The following RBFOX1 variants were observed in gnomAD, a reference collection of about 807,000 sequenced individuals.
RBFOX1 encodes the protein RNA binding protein fox-1 homolog 1.
A neutral mutation model predicts 57.7 loss-of-function variants in RBFOX1; 8 were observed. That is an observed-to-expected ratio of 0.14 (90% CI 0.08 to 0.25). The LOEUF (loss-of-function observed/expected upper bound fraction) is 0.25. Ranked by LOEUF, RBFOX1 falls within the 10% of genes least tolerant of loss-of-function variation. The probability of loss-of-function intolerance (pLI) is 1.00; values close to 1 mark genes in which losing one functional copy is unlikely to be tolerated. For synonymous variants in RBFOX1, 326 were observed against 222.4 expected, an observed-to-expected ratio of 1.47 and a Z score of -4.15; for missense variants, 611 against 548.5, an observed-to-expected ratio of 1.11 and a Z score of -1.14.
chr16:5,890,111 G>C (rs1175334680), intron 4 of RBFOX1, among the ~76,000 whole-genome samples: 1 of 152,152 alleles, frequency 6.6e-6, no homozygotes, highest in Non-Finnish European at 1.5e-5. Context: ...TGTACTCTTT[G>C]CTTGGTCATG....
chr16:6,585,924 C>G (rs1720628724), intron 2 of RBFOX1, among the ~76,000 whole-genome samples: 1 of 152,108 alleles, frequency 6.6e-6, no homozygotes, highest in Non-Finnish European at 1.5e-5. Flanking sequence ...GCAATTATTT[C>G]TGTATTAATT....
At chr16:5,533,562 C>T (rs1003245011) in intron 2 of RBFOX1, among the ~76,000 whole-genome samples, 3 of 152,160 alleles carry the variant, frequency 2.0e-5, no homozygotes, top group African/African-American at 7.2e-5. Context: ...CAACTTCAAA[C>T]AGAGGCTTGG....
intron 5 of RBFOX1, among the ~76,000 whole-genome samples, chr16:7,569,371 A>G (rs1323933239): frequency 2.0e-5 from 3 of 152,108 alleles, no homozygotes; most frequent in African/African-American, 7.2e-5. Flanking sequence ...CCTGAAGGCC[A>G]CTGTCATTCT....
chr16:5,800,737 G>A (rs767928642), intron 3 of RBFOX1, among the ~76,000 whole-genome samples: 1 of 152,126 alleles, frequency 6.6e-6, no homozygotes, highest in Non-Finnish European at 1.5e-5. Flanking sequence ...GTCCTCAGTT[G>A]CTTCTCAGAT....
chr16:6,440,801 GA>G (rs140805062), intron 2 of RBFOX1, among the ~76,000 whole-genome samples: 5,019 of 118,488 alleles, frequency 0.042, 87 homozygotes, highest in Middle Eastern at 0.052. Flanking sequence ...ACACCATCTG[GA>G]AAAAAAAAAA....
intron 1 of RBFOX1, among the ~76,000 whole-genome samples, chr16:5,420,723 A>C (rs1263785121): frequency 1.3e-5 from 2 of 151,904 alleles, no homozygotes; most frequent in East Asian, 3.9e-4. Flanking sequence ...TTTGGTAGAG[A>C]TGGGGTTTCA....
chr16:6,821,412 C>G (rs530663165), intron 3 of RBFOX1, among the ~76,000 whole-genome samples: 4 of 152,294 alleles, frequency 2.6e-5, no homozygotes, highest in South Asian at 4.1e-4. Flanking sequence ...TTCCACATAA[C>G]TGATATCAAT....
chr16:7,106,655 T>C (rs1215708088), intron 4 of RBFOX1, among the ~76,000 whole-genome samples: 4 of 152,126 alleles, frequency 2.6e-5, no homozygotes, highest in Non-Finnish European at 1.5e-5. Flanking sequence ...AATGATTTGA[T>C]TTAATTCAAA....
chr16:6,431,055 C>T (rs1028026123), intron 2 of RBFOX1, among the ~76,000 whole-genome samples: 4 of 151,626 alleles, frequency 2.6e-5, no homozygotes, highest in Admixed American at 6.6e-5. Flanking sequence ...GGAGGATTGC[C>T]TGAGCCCAGG....
intron 4 of RBFOX1, among the ~76,000 whole-genome samples, chr16:7,417,055 A>T (rs1290763931): frequency 6.6e-6 from 1 of 152,024 alleles, no homozygotes; most frequent in East Asian, 1.9e-4. Context: ...TTCATTGTTC[A>T]TTTATATTTA....
At chr16:7,126,422 G>A in intron 4 of RBFOX1, 2 of 230,710 alleles carry the variant, frequency 8.7e-6, no homozygotes, top group Non-Finnish European at 1.8e-5. Flanking sequence ...AGCTCACACA[G>A]TAACGTGGCT....
At chr16:5,820,457 C>G (rs914077557) in intron 3 of RBFOX1, among the ~76,000 whole-genome samples, 4 of 152,166 alleles carry the variant, frequency 2.6e-5, no homozygotes, top group African/African-American at 4.8e-5. Flanking sequence ...CGGGATTGAT[C>G]AGCATTAGCA....
intron 3 of RBFOX1, among the ~76,000 whole-genome samples, chr16:6,661,043 G>A (rs949682813): frequency 4.6e-5 from 7 of 152,152 alleles, no homozygotes; most frequent in East Asian, 1.9e-4. Context: ...GTACTGCAGC[G>A]ACCTGGAAGG....
At chr16:5,921,885 C>T (rs2058830519) in intron 4 of RBFOX1, among the ~76,000 whole-genome samples, 1 of 151,812 alleles carries the variant, frequency 6.6e-6, no homozygotes, top group Non-Finnish European at 1.5e-5. Flanking sequence ...GGTGTGGTGG[C>T]TTAGGCCTGT....
At chr16:5,615,513 G>C (rs977935324) in intron 3 of RBFOX1, among the ~76,000 whole-genome samples, 1 of 152,230 alleles carries the variant, frequency 6.6e-6, no homozygotes, top group African/African-American at 2.4e-5. Context: ...CATGAGGACA[G>C]GAGGGACATT....
intron 11 of RBFOX1, among the ~76,000 whole-genome samples, chr16:7,648,735 T>G (rs2144298799): frequency 6.6e-6 from 1 of 152,310 alleles, no homozygotes; most frequent in Admixed American, 6.5e-5. Flanking sequence ...AGGTGTTACC[T>G]GTCTGGGGCC....
chr16:7,457,099 C>A (rs954562031), intron 4 of RBFOX1, among the ~76,000 whole-genome samples: 1 of 151,924 alleles, frequency 6.6e-6, no homozygotes, highest in Non-Finnish European at 1.5e-5. Context: ...GTTGGTCAGG[C>A]TGGTCTCGAA....
chr16:5,948,827 C>G (rs2059458169), intron 4 of RBFOX1, among the ~76,000 whole-genome samples: 1 of 152,174 alleles, frequency 6.6e-6, no homozygotes, highest in South Asian at 2.1e-4. Flanking sequence ...CTTACGGCAT[C>G]CCTGGGACAC....
In RBFOX1 at chr16:6,961,276, A is replaced by G. The variant is rs545505056; in HGVS notation, c.-15-90781A>G. ...TCTCAGAACCTGGGGAGACCCCACC[A>G]GAGGAGAGGAGAGCTAAGCAATGCA... On this transcript the variant is annotated intron_variant, in intron 3 of 15. Coordinates refer to ENST00000550418, the MANE Select transcript of RBFOX1 (RefSeq NM_018723.4). 2.0e-5 allele frequency among the ~76,000 whole-genome samples: 3 copies of G among 152,330 alleles called. No individual in the cohort carries two copies. The South Asian group carries it at 6.2e-4, about 32-fold the overall frequency.
Sources: allele counts gnomAD v4.1 joint callset (sites outside exome capture counted in the v4.1 genomes callset), GRCh38; gene constraint gnomAD v4.1.1; transcripts MANE v1.5; gene names NCBI Gene and HGNC (gene_info 2026-07-23, HGNC 2026-07-21).